The following WDR18 variants were observed in gnomAD, a reference collection of about 807,000 sequenced individuals.
The protein encoded by WDR18 is WD repeat domain 18, also known as WD repeat-containing protein 18.
A neutral mutation model predicts 49.6 loss-of-function variants in WDR18; 33 were observed. The observed-to-expected ratio is 0.67, with a 90% CI of 0.50 to 0.89. The LOEUF is 0.89. WDR18 is among the 40% of genes least tolerant of loss of function. WDR18 has a pLI of 0.00. For missense variants in WDR18, 653 were observed against 593.6 expected (o/e 1.10, Z -1.04); for synonymous variants, 315 against 263.6 (o/e 1.19, Z -1.89).
rs71174337 is a variant in WDR18 at position 987,829 on chromosome 19, G to GT, written c.321+1877dup. 1.5e-3 allele frequency among the ~76,000 whole-genome samples: 134 copies of GT among 91,782 alleles called. 7 individuals carry two copies. Among genetic ancestry groups the GT allele is most frequent in the South Asian group, 5.8e-3 (13 of 2,230 alleles). 60.2% of individuals were successfully genotyped at this position (91,782 alleles called of 152,430 possible). The stretch of plus-strand genomic sequence containing the variant: ...ACCCCTGCTCCCCTAGCCGCCTCCA[G>GT]TTTTTTTTTTTTTTTTTTTTTTTCA... On this transcript the variant is annotated intron_variant, in intron 2 of 9. Coordinates refer to ENST00000585809, the MANE Select transcript of WDR18 (RefSeq NM_024100.4).
chr19:987,708 G>T (rs1251849657), intron 2 of WDR18, among the ~76,000 whole-genome samples: 1 of 152,114 alleles, frequency 6.6e-6, no homozygotes, highest in African/African-American at 2.4e-5. Flanking sequence ...ATGTGGGTAG[G>T]AATTAAATGT....
rs1402936208 is a variant in WDR18, at chr19:994,202, T to C, written c.1168-11T>C. The C allele has an allele frequency of 6.3e-7, 1 of 1,594,208 alleles. No individual in the cohort carries two copies. Among genetic ancestry groups the C allele is most frequent in the East Asian group, 2.3e-5 (1 of 44,096 alleles). ...GCCACTTCTGCCCTCTGACCCCGAC[T>C]TCTCCCGCAGAGCGTGCTCGGCGGC... On this transcript the variant is annotated splice_polypyrimidine_tract_variant and intron_variant, in intron 9 of 9. Coordinates refer to ENST00000585809, the MANE Select transcript of WDR18 (RefSeq NM_024100.4).
chr19:983,044 G>T (rs1462864130), upstream of WDR18, among the ~76,000 whole-genome samples: 1 of 152,234 alleles, frequency 6.6e-6, no homozygotes. Flanking sequence ...GAGGGCACAC[G>T]ACCCAGGTCA....
Position 991,952 on chromosome 19 carries a change from C to G in WDR18, c.932-3C>G. On this transcript the variant is annotated splice_region_variant and splice_polypyrimidine_tract_variant and intron_variant, in intron 7 of 9. Transcript: ENST00000585809. ...GGCGGGGCCTGACCTCCGCGCCCCC[C>G]AGGCCCAGTCACCAATGCCGCCATC... 5.7e-6 allele frequency: 9 copies of G among 1,581,664 alleles called. No individual in the cohort carries two copies. Among genetic ancestry groups the G allele is most frequent in the Non-Finnish European group, 7.7e-6 (9 of 1,170,572 alleles).
chr19:991,154 G>C lies in WDR18; in HGVS notation c.806+9G>C, dbSNP rs1268869741. 3.2e-6 allele frequency: 5 copies of C among 1,564,898 alleles called. No individual in the cohort carries two copies. The highest frequency in any genetic ancestry group is 1.9e-5 in the Admixed American group (1 of 53,282). Reference sequence around the variant, plus strand: ...GTCTTCAAAGGGCACAGGTGGGGACGTGGGAACGGGGCGGGGGCTCCCAGG... The same window carrying C: ...GTCTTCAAAGGGCACAGGTGGGGACCTGGGAACGGGGCGGGGGCTCCCAGG... On this transcript the variant is annotated intron_variant, in intron 6 of 9. Coordinates refer to ENST00000585809, the MANE Select transcript of WDR18 (RefSeq NM_024100.4).
At chr19:986,726 C>A (rs536575997) in intron 2 of WDR18, among the ~76,000 whole-genome samples, 36 of 152,340 alleles carry the variant, frequency 2.4e-4, no homozygotes, top group African/African-American at 8.7e-4. Context: ...TGAGGGGAAG[C>A]AGCCCTGGAT....
chr19:984,678 T>A, intron 1 of WDR18, 115 bp downstream of exon 1: 1 of 1,067,890 alleles, frequency 9.4e-7, no homozygotes, highest in Non-Finnish European at 1.2e-6. Context: ...GGAGGGGAGG[T>A]GGTCTCCGTT....
intron 2 of WDR18, among the ~76,000 whole-genome samples, chr19:987,829 G>GTTTTTGTTTTTTTT (rs2038490596): frequency 2.2e-5 from 2 of 91,822 alleles, no homozygotes; most frequent in African/African-American, 5.3e-5. Context: ...GCCGCCTCCA[G>GTTTTTGTTTTTTTT]TTTTTTTTTT....
intron 2 of WDR18, 54 bp from the exon 3 acceptor site, chr19:989,708 T>C: frequency 6.9e-6 from 11 of 1,603,212 alleles, no homozygotes; most frequent in Admixed American, 1.7e-5. Context: ...GCAGCCCCCC[T>C]TTCCTCCCCT....
At chr19:991,848 CGGGGA>C (rs1173356270) in intron 7 of WDR18, 102 bp from the exon 8 acceptor site, 3 of 1,055,750 alleles carry the variant, frequency 2.8e-6, no homozygotes, top group Admixed American at 7.3e-5. Context: ...GGCTGTGGGG[CGGGGA>C]CTGGCTGGGG....
intron 2 of WDR18, among the ~76,000 whole-genome samples, chr19:989,009 C>T (rs553860544): frequency 1.3e-5 from 2 of 149,414 alleles, no homozygotes; most frequent in African/African-American, 4.9e-5. Flanking sequence ...TCTCAGCTCT[C>T]GAATCCACAA....
At chr19:992,250 C>T (rs542099625) in intron 8 of WDR18, 129 bp downstream of exon 8, 70 of 1,183,548 alleles carry the variant, frequency 5.9e-5, no homozygotes, top group East Asian at 1.3e-4. Context: ...CTGGAGGGCG[C>T]GTCCTGTGAG....
At chr19:992,552 G>C (rs1302548516) in intron 8 of WDR18, among the ~76,000 whole-genome samples, 1 of 152,186 alleles carries the variant, frequency 6.6e-6, no homozygotes, top group African/African-American at 2.4e-5. Context: ...TGGCTCCCAC[G>C]TGGGCTGGGG....
chr19:992,156 T>C (rs2038567709), intron 8 of WDR18, 35 bp downstream of exon 8: 1 of 1,419,714 alleles, frequency 7.0e-7, no homozygotes, highest in African/African-American at 1.5e-5. Context: ...CACTGCCCTT[T>C]TGTCCCGGAA....
At chr19:992,175 G>A in intron 8 of WDR18, 54 bp downstream of exon 8, 3 of 1,395,874 alleles carry the variant, frequency 2.1e-6, no homozygotes, top group East Asian at 3.0e-5. Flanking sequence ...AAGACCCCGC[G>A]GGCCCTGGGC....
At position 989,749 on chromosome 19, in the gene WDR18, C is replaced by G; in HGVS notation, c.322-13C>G. On this transcript the variant is annotated splice_polypyrimidine_tract_variant and intron_variant, in intron 2 of 9. Coordinates refer to ENST00000585809, the MANE Select transcript of WDR18 (RefSeq NM_024100.4). ...TTTCCTCCCCTGACCTGGATACCCT[C>G]TGCCCCTCACAGGTCTCCACCGGGA... is the stretch of plus-strand genomic sequence containing the variant. 3 of 1,612,456 alleles carry G rather than the reference C, an allele frequency of 1.9e-6. No homozygotes were observed. The highest frequency in any genetic ancestry group is 2.5e-6 in the Non-Finnish European group (3 of 1,179,864).
At position 989,616 on chromosome 19, in the gene WDR18, A is replaced by C. The variant is rs11882788; in HGVS notation, c.322-146A>C. On this transcript the variant is annotated intron_variant, in intron 2 of 9. Transcript: ENST00000585809. ...TGTACCTGCTGGCCGCTGCCCTGAC[A>C]GGGTCACCCCGCAGTCCTGGGGCAG... The C allele has an allele frequency of 2.6e-3, 3,197 of 1,210,984 alleles. 20 individuals carry two copies. The highest frequency in any genetic ancestry group is 0.016 in the African/African-American group (1,063 of 64,916). 75.0% of individuals were successfully genotyped at this position (1,210,984 alleles called of 1,614,324 possible).
chr19:986,946 T>C (rs2038481618), intron 2 of WDR18, among the ~76,000 whole-genome samples: 1 of 152,156 alleles, frequency 6.6e-6, no homozygotes, highest in African/African-American at 2.4e-5. Context: ...GACCCAAAGG[T>C]AACCATGTTT....
At chr19:984,081 A>G (rs1296057397), upstream of WDR18, among the ~76,000 whole-genome samples, 6 of 152,242 alleles carry the variant, frequency 3.9e-5, no homozygotes, top group African/African-American at 1.4e-4. Flanking sequence ...AGGCCAAGTC[A>G]GGTACCCCGG....
Sources: allele counts gnomAD v4.1 joint callset (sites outside exome capture counted in the v4.1 genomes callset), GRCh38; gene constraint gnomAD v4.1.1; transcripts MANE v1.5; gene names NCBI Gene and HGNC (gene_info 2026-07-23, HGNC 2026-07-21).